PCDHA7: variants seen among roughly 807,000 people sequenced by gnomAD.
PCDHA7 encodes the protein protocadherin alpha-7.
A neutral mutation model predicts 57.2 loss-of-function variants in PCDHA7; 37 were observed. The observed-to-expected ratio is 0.65, with a 90% CI of 0.50 to 0.85. The LOEUF (loss-of-function observed/expected upper bound fraction) is 0.85. Ranked by LOEUF, PCDHA7 falls within the 40% of genes least tolerant of loss-of-function variation. PCDHA7 has a pLI of 0.00. For synonymous variants in PCDHA7, 553 were observed against 558.8 expected, an observed-to-expected ratio of 0.99 and a Z score of 0.15; for missense variants, 1,188 against 1,241.8, an observed-to-expected ratio of 0.96 and a Z score of 0.65.
intron 1 of PCDHA7, chr5:140,870,919 CT>C (rs1562653796): frequency 5.6e-6 from 9 of 1,613,952 alleles, no homozygotes; most frequent in Non-Finnish European, 7.6e-6. Flanking sequence ...CAACGCGTGG[CT>C]TTCATATGAA....
rs1271034090 is a variant in PCDHA7 at position 140,842,237 on chromosome 5, G to T, written c.2355+5499G>T. ...AAATACGGGAGAAATAGTGATTCGG[G>T]GTAATTTGGATTTTGAACAAGAAAA... On this transcript the variant is annotated intron_variant, in intron 1 of 3. Transcript: ENST00000525929. 1.9e-6 allele frequency: 3 copies of T among 1,612,294 alleles called. No individual in the cohort carries two copies. The highest frequency in any genetic ancestry group is 3.3e-5 in the Admixed American group (2 of 59,972).
intron 1 of PCDHA7, chr5:140,842,147 G>A: frequency 6.2e-7 from 1 of 1,613,842 alleles, no homozygotes; most frequent in Non-Finnish European, 8.5e-7. Flanking sequence ...AGCCAATGGG[G>A]CAATTTCATA....
intron 1 of PCDHA7, among the ~76,000 whole-genome samples, chr5:140,961,519 A>G (rs246002): frequency 0.56 from 85,694 of 152,068 alleles, 24,757 homozygotes; most frequent in African/African-American, 0.69. Flanking sequence ...ATGTCTCCAC[A>G]AATTCTAGAT....
chr5:140,868,954 C>T (rs192231), intron 1 of PCDHA7: 649,749 of 1,346,616 alleles, frequency 0.48, 158,482 homozygotes, highest in South Asian at 0.57. Flanking sequence ...GTGAGGCACT[C>T]CCATACAAAG....
chr5:140,940,425 G>T (rs2153645742), intron 1 of PCDHA7, among the ~76,000 whole-genome samples: 1 of 152,034 alleles, frequency 6.6e-6, no homozygotes, highest in African/African-American at 2.4e-5. Flanking sequence ...AATTATTACT[G>T]ATCAAGTCTG....
At chr5:140,871,015 G>C in intron 1 of PCDHA7, 1 of 1,613,244 alleles carries the variant, frequency 6.2e-7, no homozygotes, top group Non-Finnish European at 8.5e-7. Context: ...TGCCCTGGAC[G>C]AGGCAGACTC....
intron 3 of PCDHA7, among the ~76,000 whole-genome samples, chr5:140,992,671 T>C (rs932477687): frequency 1.3e-5 from 2 of 152,116 alleles, no homozygotes; most frequent in African/African-American, 4.8e-5. Context: ...GGTGTGTATG[T>C]GTGTGTTAGG....
At chr5:140,911,952 G>A (rs2075698662) in intron 1 of PCDHA7, among the ~76,000 whole-genome samples, 1 of 152,170 alleles carries the variant, frequency 6.6e-6, no homozygotes, top group South Asian at 2.1e-4. Context: ...ATAAAGGGGA[G>A]GTTACTAAGG....
At chr5:140,856,346 GAGTGC>G in intron 1 of PCDHA7, 1 of 1,598,632 alleles carries the variant, frequency 6.3e-7, no homozygotes, top group South Asian at 1.1e-5. Context: ...GCGGAGCGTG[GAGTGC>G]AGCATCCACC....
At chr5:140,856,621 A>T in intron 1 of PCDHA7, 1 of 1,597,974 alleles carries the variant, frequency 6.3e-7, no homozygotes, top group Non-Finnish European at 8.6e-7. Context: ...ACAAATTCCC[A>T]GTGCTTGTTC....
chr5:140,836,405 G>C lies in PCDHA7; in HGVS notation c.2022G>C (p.Gln674His). Residue 674 changes from glutamine to histidine, a missense_variant, in exon 1 of 4, where the codon CAG (glutamine) becomes CAC (histidine). This residue lies in a region of PCDHA7 where 892 missense variants were observed against 788.5 expected (regional missense o/e 1.13). Transcript: ENST00000525929. ...TGGTGTCGCTGGTGGAAAGCGGCCA[G>C]GCACCAAAGGCGTCGTCGCGGGCAT... Reference protein sequence around the residue: ...TVLVSLVESGQAPKASSRASL... With the variant: ...TVLVSLVESGHAPKASSRASL... 1 of 1,613,802 alleles carries C rather than the reference G, an allele frequency of 6.2e-7. No individual in the cohort carries two copies. Among genetic ancestry groups the C allele is most frequent in the East Asian group, 2.2e-5 (1 of 44,866 alleles).
intron 1 of PCDHA7, chr5:140,871,350 C>T (rs782168219): frequency 5.6e-6 from 9 of 1,614,194 alleles, no homozygotes; most frequent in Non-Finnish European, 7.6e-6. Flanking sequence ...GCTGGTCATA[C>T]TCGCAGCAGA....
At position 141,001,667 on chromosome 5, in the gene PCDHA7, A is replaced by G. The variant is rs949508860; in HGVS notation, c.2504-7960A>G. ...GTGTGGGAGAAGGCGGAGCTTGTCC[A>G]GTCGGTCCAACAAACCCCACAGATG... is the stretch of plus-strand genomic sequence containing the variant. On this transcript the variant is annotated intron_variant, in intron 3 of 3. Coordinates refer to ENST00000525929, the MANE Select transcript of PCDHA7 (RefSeq NM_018910.3). Among the ~76,000 whole-genome samples, 9 of 152,268 alleles carry G rather than the reference A, an allele frequency of 5.9e-5. 1 individual carries two copies. In the East Asian group the frequency reaches 1.7e-3, roughly 29 times the overall value.
rs551685820 is a variant in PCDHA7, at chr5:140,967,997, C to G, written c.2356-10952C>G. On this transcript the variant is annotated intron_variant, in intron 1 of 3. Transcript: ENST00000525929. ...GGGTCTGGAGGCCACACTGCCTTTC[C>G]GACTGAATGGCTTTGGAAACTCCTA... is the stretch of plus-strand genomic sequence containing the variant. The G allele has an allele frequency of 4.3e-6, 7 of 1,614,220 alleles. No individual in the cohort carries two copies. In the African/African-American group the frequency reaches 6.7e-5, roughly 15 times the overall value.
At chr5:140,845,420 A>T (rs954218239) in intron 1 of PCDHA7, among the ~76,000 whole-genome samples, 2 of 149,530 alleles carry the variant, frequency 1.3e-5, no homozygotes, top group Admixed American at 6.7e-5. Flanking sequence ...GCAATTTATC[A>T]TTTAAGTCAT....
chr5:140,863,415 C>T (rs782613716), intron 1 of PCDHA7: 2 of 737,502 alleles, frequency 2.7e-6, no homozygotes, highest in Admixed American at 1.9e-5. Flanking sequence ...CGCTGGTGTA[C>T]CGCAGCGTAG....
intron 1 of PCDHA7, chr5:140,853,906 C>T (rs2042902737): frequency 2.1e-6 from 2 of 955,058 alleles, no homozygotes; most frequent in African/African-American, 1.8e-5. Flanking sequence ...GGTGGCCTGA[C>T]ACCTGCAATC....
rs371069140 is a variant in PCDHA7, at chr5:141,011,291, A to G, written c.*1354A>G. ...CTCTTTGGTTTAGTTTTCCTTTTCT[A>G]TAACACTCTGAATTGCTAATCTTAC... is the stretch of plus-strand genomic sequence containing the variant. On this transcript the variant is annotated 3_prime_UTR_variant, in exon 4 of 4. Coordinates refer to ENST00000525929, the MANE Select transcript of PCDHA7 (RefSeq NM_018910.3). 6 of 153,852 alleles carry G rather than the reference A, an allele frequency of 3.9e-5. No homozygotes were observed. The highest frequency in any genetic ancestry group is 8.8e-5 in the Non-Finnish European group (6 of 68,024). 9.5% of individuals were successfully genotyped at this position (153,852 alleles called of 1,614,324 possible).
At chr5:140,902,668 G>C (rs1385644848) in intron 1 of PCDHA7, among the ~76,000 whole-genome samples, 3 of 152,126 alleles carry the variant, frequency 2.0e-5, no homozygotes, top group African/African-American at 7.2e-5. Context: ...CACCCAAGCA[G>C]TGTACACCGT....
Sources: allele counts gnomAD v4.1 joint callset (sites outside exome capture counted in the v4.1 genomes callset), GRCh38; gene constraint gnomAD v4.1.1; regional missense constraint gnomAD v4.1.1; transcripts MANE v1.5; gene names NCBI Gene and HGNC (gene_info 2026-07-23, HGNC 2026-07-21).